XKR6: variants seen among roughly 807,000 people sequenced by gnomAD.
XKR6 encodes XK-related protein 6.
Under a neutral mutation model 56.7 loss-of-function variants are expected in XKR6, and 22 were observed. That is an observed-to-expected ratio of 0.39 (90% CI 0.28 to 0.55). The LOEUF is 0.55. Ranked by LOEUF, XKR6 falls within the 20% of genes least tolerant of loss-of-function variation. The probability of loss-of-function intolerance (pLI) is 0.66; values close to 1 mark genes in which losing one functional copy is unlikely to be tolerated. For missense variants in XKR6, 852 were observed against 889.0 expected (o/e 0.96, Z 0.53); for synonymous variants, 524 against 387.8 (o/e 1.35, Z -4.13).
At chr8:11,191,480 G>C (rs111413841) in intron 1 of XKR6, among the ~76,000 whole-genome samples, 130 of 152,258 alleles carry the variant, frequency 8.5e-4, no homozygotes, top group African/African-American at 2.2e-3. Flanking sequence ...CTAATAGTGG[G>C]ACAAAACACG....
In XKR6 at chr8:10,937,713, G is replaced by A. The variant is rs1197170130; in HGVS notation, c.765-12883C>T. ...GGGGTGCCTCCCAGTTAGGCTGCTC[G>A]GGGGTCAGGGGTCAGGGACCCACTT... On this transcript the variant is annotated intron_variant, in intron 1 of 2. Transcript: ENST00000416569. Among the ~76,000 whole-genome samples the A allele has an allele frequency of 1.4e-3, 213 of 147,846 alleles. 1 individual carries two copies. Among genetic ancestry groups the A allele is most frequent in the Middle Eastern group, 7.2e-3 (2 of 278 alleles).
intron 1 of XKR6, among the ~76,000 whole-genome samples, chr8:11,163,193 C>T (rs929233891): frequency 2.0e-5 from 3 of 152,112 alleles, no homozygotes; most frequent in African/African-American, 7.2e-5. Context: ...AAATATTAAA[C>T]CATGCTCTGT....
intron 1 of XKR6, among the ~76,000 whole-genome samples, chr8:11,117,797 T>C (rs1376863658): frequency 6.6e-6 from 1 of 152,038 alleles, no homozygotes; most frequent in Non-Finnish European, 1.5e-5. Context: ...TGAATACAGT[T>C]CTTATAAATT....
chr8:11,131,206 G>C (rs1586589675), intron 1 of XKR6, among the ~76,000 whole-genome samples: 1 of 152,072 alleles, frequency 6.6e-6, no homozygotes. Flanking sequence ...ATTTTCCATA[G>C]CTTTATAGTT....
intron 1 of XKR6, among the ~76,000 whole-genome samples, chr8:11,134,251 A>T (rs1800268220): frequency 6.6e-6 from 1 of 152,102 alleles, no homozygotes; most frequent in Non-Finnish European, 1.5e-5. Flanking sequence ...AGTGTGTGTT[A>T]CTGTTGTCCA....
At chr8:11,198,058 G>C (rs144868503) in intron 1 of XKR6, among the ~76,000 whole-genome samples, 2 of 152,254 alleles carry the variant, frequency 1.3e-5, no homozygotes, top group East Asian at 3.9e-4. Flanking sequence ...ATAAGAAATA[G>C]CAAAGTTTCC....
chr8:11,177,479 G>T (rs1198475044), intron 1 of XKR6, among the ~76,000 whole-genome samples: 2 of 152,148 alleles, frequency 1.3e-5, no homozygotes, highest in Admixed American at 6.5e-5. Context: ...AAAGATAGAT[G>T]GAAGTCCTAA....
intron 1 of XKR6, chr8:11,194,976 T>A: frequency 1.8e-6 from 1 of 543,814 alleles, no homozygotes; most frequent in Non-Finnish European, 3.2e-6. Context: ...TTACCATAAA[T>A]GTCAAGTTTT....
chr8:11,081,167 A>C lies in XKR6; in HGVS notation c.764+119409T>G, dbSNP rs1364898647. On this transcript the variant is annotated intron_variant, in intron 1 of 2. Coordinates refer to ENST00000416569, the MANE Select transcript of XKR6 (RefSeq NM_173683.4). ...GCCGGATTCTGAGAAAAGTAAGGAT[A>C]CTTAAGAAAAGCACTAAAATCCCTC... 2.0e-5 allele frequency among the ~76,000 whole-genome samples: 3 copies of C among 152,246 alleles called. No homozygotes were observed. In the South Asian group the frequency reaches 6.2e-4, roughly 32 times the overall value.
rs576722146 is a variant in XKR6, at chr8:10,964,567, G to A, written c.765-39737C>T. Among the ~76,000 whole-genome samples, 4 of 152,302 alleles carry A rather than the reference G, an allele frequency of 2.6e-5. No homozygotes were observed. In the East Asian group the frequency reaches 5.8e-4, roughly 22 times the overall value. ...GCGAAAATGGCATCTCAACCTTAAT[G>A]GGGCATTTGGACAACATCCTGGTCT... On this transcript the variant is annotated intron_variant, in intron 1 of 2. Transcript: ENST00000416569.
chr8:11,068,409 T>C (rs1230973680), intron 1 of XKR6, among the ~76,000 whole-genome samples: 1 of 152,196 alleles, frequency 6.6e-6, no homozygotes, highest in East Asian at 1.9e-4. Context: ...CCAAATGCCA[T>C]TAGTGTCCTG....
intron 1 of XKR6, among the ~76,000 whole-genome samples, chr8:11,041,717 G>A (rs903383577): frequency 2.6e-5 from 4 of 152,184 alleles, no homozygotes; most frequent in Non-Finnish European, 5.9e-5. Context: ...CCAGGGCCCT[G>A]GGGGCTCAAA....
At position 11,146,731 on chromosome 8, in the gene XKR6, T is replaced by C. The variant is rs184945244; in HGVS notation, c.764+53845A>G. ...GATATGGAAATAATCTCAATGTCCA[T>C]TGTCAGATGAACAAATAAAGAAAGT... On this transcript the variant is annotated intron_variant, in intron 1 of 2. Coordinates refer to ENST00000416569, the MANE Select transcript of XKR6 (RefSeq NM_173683.4). Among the ~76,000 whole-genome samples the C allele has an allele frequency of 3.7e-4, 56 of 151,776 alleles. 1 individual carries two copies. The highest frequency in any genetic ancestry group is 1.2e-3 in the African/African-American group (51 of 41,460).
intron 1 of XKR6, among the ~76,000 whole-genome samples, chr8:11,180,800 G>C (rs117915116): frequency 6.6e-6 from 1 of 152,098 alleles, no homozygotes; most frequent in South Asian, 2.1e-4. Context: ...CCAGCTTCTC[G>C]GGAGGCTGAG....
chr8:11,085,711 G>T (rs543309826), intron 1 of XKR6, among the ~76,000 whole-genome samples: 1 of 152,232 alleles, frequency 6.6e-6, no homozygotes, highest in African/African-American at 2.4e-5. Context: ...CCTCCCACAG[G>T]CCTCTCCTCT....
chr8:10,958,296 C>T (rs569528288), intron 1 of XKR6, among the ~76,000 whole-genome samples: 3 of 152,310 alleles, frequency 2.0e-5, no homozygotes, highest in Non-Finnish European at 4.4e-5. Flanking sequence ...AAACAGAGGC[C>T]TGAGTGCTGG....
intron 1 of XKR6, among the ~76,000 whole-genome samples, chr8:11,052,655 T>C (rs1045138098): frequency 6.6e-6 from 1 of 151,952 alleles, no homozygotes; most frequent in African/African-American, 2.4e-5. Flanking sequence ...TGGTTTTCTC[T>C]CCCCATTGCC....
chr8:10,941,949 G>T (rs1801397569), intron 1 of XKR6, among the ~76,000 whole-genome samples: 1 of 152,194 alleles, frequency 6.6e-6, no homozygotes, highest in Non-Finnish European at 1.5e-5. Context: ...TTGTGGCCAA[G>T]AACTGTTCAA....
chr8:10,935,130 G>T lies in XKR6; in HGVS notation c.765-10300C>A, dbSNP rs1471939403. On this transcript the variant is annotated intron_variant, in intron 1 of 2. Transcript: ENST00000416569. ...ACTTCTTCCTGGTTTAGTCTTGGGA[G>T]AGTGTATGTGTCGAGGAATTTATCC... 2.2e-5 allele frequency among the ~76,000 whole-genome samples: 2 copies of T among 89,814 alleles called. 1 individual carries two copies. 58.9% of individuals were successfully genotyped at this position (89,814 alleles called of 152,430 possible).
Sources: gnomAD v4.1 joint callset for allele counts (sites outside exome capture counted in the v4.1 genomes callset) on GRCh38, gnomAD v4.1.1 for gene constraint, MANE v1.5 for transcripts, NCBI Gene and HGNC (gene_info 2026-07-23, HGNC 2026-07-21) for gene names.